The following PDE4D variants were observed in gnomAD, a reference collection of about 807,000 sequenced individuals.
The protein encoded by PDE4D is phosphodiesterase 4D.
Under a neutral mutation model 87.4 loss-of-function variants are expected in PDE4D, and 24 were observed. The ratio of observed to expected loss-of-function variants is 0.27; its 90% confidence interval spans 0.20 to 0.39. PDE4D has a LOEUF of 0.39. Ranked by LOEUF, PDE4D falls within the 10% of genes least tolerant of loss-of-function variation. The pLI is 1.00. For missense variants in PDE4D, 714 were observed against 1,041.0 expected (o/e 0.69, Z 4.32); for synonymous variants, 384 against 383.2 (o/e 1.00, Z -0.02).
intron 1 of PDE4D, among the ~76,000 whole-genome samples, chr5:59,226,827 C>T (rs181571963): frequency 3.9e-5 from 6 of 151,908 alleles, no homozygotes; most frequent in Admixed American, 2.0e-4. Flanking sequence ...AATCAGAATA[C>T]GTGCTGACAA....
intron 1 of PDE4D, among the ~76,000 whole-genome samples, chr5:59,817,730 G>A (rs549847152): frequency 4.7e-4 from 70 of 148,670 alleles, no homozygotes; most frequent in African/African-American, 9.3e-4. Context: ...GCGCGCGCGC[G>A]CACACACCCA....
intron 1 of PDE4D, among the ~76,000 whole-genome samples, chr5:60,276,329 T>G (rs929168940): frequency 5.9e-5 from 9 of 152,236 alleles, no homozygotes; most frequent in African/African-American, 2.2e-4. Context: ...CATTTAAGAT[T>G]GCTAAATTTT....
At chr5:59,508,635 T>C (rs1050949356) in intron 1 of PDE4D, among the ~76,000 whole-genome samples, 3 of 151,762 alleles carry the variant, frequency 2.0e-5, no homozygotes, top group Admixed American at 6.6e-5. Flanking sequence ...ATTACAGATA[T>C]TGGAACTATC....
intron 1 of PDE4D, among the ~76,000 whole-genome samples, chr5:60,236,157 A>G (rs1266199610): frequency 6.8e-6 from 1 of 147,988 alleles, no homozygotes; most frequent in Non-Finnish European, 1.5e-5. Flanking sequence ...AAGACAGGAG[A>G]AAAATGTTAG....
intron 3 of PDE4D, among the ~76,000 whole-genome samples, chr5:59,966,990 A>G (rs1282039846): frequency 2.0e-5 from 3 of 152,196 alleles, no homozygotes; most frequent in African/African-American, 7.2e-5. Flanking sequence ...CCCCAAATAT[A>G]TAATTTCCTA....
intron 1 of PDE4D, among the ~76,000 whole-genome samples, chr5:60,356,412 T>G (rs1759627228): frequency 6.6e-6 from 1 of 152,196 alleles, no homozygotes; most frequent in Non-Finnish European, 1.5e-5. Context: ...TAGACTGCCT[T>G]GGGCTGCAGT....
At chr5:59,895,556 G>T (rs1751541619), upstream of PDE4D, among the ~76,000 whole-genome samples, 1 of 152,208 alleles carries the variant, frequency 6.6e-6, no homozygotes, top group Non-Finnish European at 1.5e-5. Context: ...TATTTACCAT[G>T]CCTAGGAGGG....
intron 1 of PDE4D, among the ~76,000 whole-genome samples, chr5:59,481,600 C>T (rs1804268584): frequency 6.6e-6 from 1 of 152,042 alleles, no homozygotes. Flanking sequence ...GCTGCTCCAG[C>T]GGTAGAGTTT....
At chr5:59,861,018 C>T (rs1746175792) in intron 1 of PDE4D, among the ~76,000 whole-genome samples, 2 of 149,330 alleles carry the variant, frequency 1.3e-5, no homozygotes, top group Non-Finnish European at 3.0e-5. Flanking sequence ...GAACACCACA[C>T]CTAGATAATT....
At chr5:58,976,823 G>A (rs1459740857) in intron 12 of PDE4D, among the ~76,000 whole-genome samples, 8 of 152,176 alleles carry the variant, frequency 5.3e-5, no homozygotes, top group Admixed American at 5.2e-4. Flanking sequence ...ATAGAAAAAA[G>A]AGTAAAGTCA....
At chr5:59,627,560 C>G (rs151189153) in intron 1 of PDE4D, among the ~76,000 whole-genome samples, 1 of 152,216 alleles carries the variant, frequency 6.6e-6, no homozygotes, top group East Asian at 1.9e-4. Flanking sequence ...TTTTGTTAAG[C>G]CAGTGATATC....
intron 1 of PDE4D, chr5:59,430,388 T>A: frequency 8.1e-7 from 1 of 1,231,074 alleles, no homozygotes; most frequent in Admixed American, 4.2e-5. Flanking sequence ...TTCCCCAGAG[T>A]CAGGTACTCA....
intron 1 of PDE4D, among the ~76,000 whole-genome samples, chr5:59,524,822 G>A (rs1012121970): frequency 6.6e-6 from 1 of 152,192 alleles, no homozygotes; most frequent in Non-Finnish European, 1.5e-5. Context: ...TACAGCTCAG[G>A]CCATTGCTTC....
chr5:59,067,479 A>G (rs1214493911), intron 5 of PDE4D, among the ~76,000 whole-genome samples: 1 of 152,198 alleles, frequency 6.6e-6, no homozygotes, highest in Non-Finnish European at 1.5e-5. Flanking sequence ...GAAATGCAGT[A>G]AGTTACCTAT....
Position 60,429,844 on chromosome 5 carries a change from T to TG in PDE4D, c.-90+58097_-90+58098insC, listed in dbSNP as rs1554034631. 6.8e-4 allele frequency: 230 copies of TG among 337,270 alleles called. 3 individuals are homozygous for TG. The highest frequency in any genetic ancestry group is 4.1e-3 in the South Asian group (169 of 40,922). 20.9% of individuals were successfully genotyped at this position (337,270 alleles called of 1,614,324 possible). On this transcript the variant is annotated intron_variant, in intron 1 of 16. Transcript: ENST00000502484. ...AATGGTGGTGGATTAGTTTTTTTTT[T>TG]TTTGTTTTTTTTTTTAAACAATTTT...
chr5:59,832,802 T>C (rs1305436592), intron 1 of PDE4D, among the ~76,000 whole-genome samples: 3 of 152,114 alleles, frequency 2.0e-5, no homozygotes, highest in African/African-American at 7.2e-5. Context: ...CACTTCTCTG[T>C]GTGTCTATGT....
chr5:59,280,381 T>C (rs1765593238), intron 1 of PDE4D, among the ~76,000 whole-genome samples: 1 of 152,114 alleles, frequency 6.6e-6, no homozygotes, highest in Admixed American at 6.6e-5. Context: ...TAAACATTTG[T>C]GCATGGAGTC....
At chr5:59,323,109 A>G (rs992081579) in intron 1 of PDE4D, among the ~76,000 whole-genome samples, 1 of 152,100 alleles carries the variant, frequency 6.6e-6, no homozygotes, top group Non-Finnish European at 1.5e-5. Flanking sequence ...CTTGCTAGCA[A>G]TCTAGACTGT....
rs189529705 is a variant in PDE4D, at chr5:60,195,026, G to A, written c.-89-9339C>T. Among the ~76,000 whole-genome samples, 82 of 151,576 alleles carry A rather than the reference G, an allele frequency of 5.4e-4. 3 individuals carry two copies. The highest frequency in any genetic ancestry group is 3.4e-3 in the Middle Eastern group (1 of 294). ...GAACCACTTGTAATTCTTTGCATAC[G>A]CCATACGGTTTCTCACCTCCCTGTC... On this transcript the variant is annotated intron_variant, in intron 1 of 16. Coordinates refer to the PDE4D transcript ENST00000502484.
Sources: allele counts gnomAD v4.1 joint callset (sites outside exome capture counted in the v4.1 genomes callset), GRCh38; gene constraint gnomAD v4.1.1; transcripts MANE v1.5; gene names NCBI Gene and HGNC (gene_info 2026-07-23, HGNC 2026-07-21).